The following DOK6 variants were observed in gnomAD, a reference collection of about 807,000 sequenced individuals.
DOK6 encodes downstream of tyrosine kinase 6.
DOK6 carries 22 observed loss-of-function variants against 44.0 expected under a neutral mutation model. The ratio of observed to expected loss-of-function variants is 0.50; its 90% CI spans 0.36 to 0.71. DOK6 has a LOEUF of 0.71. Ranked by LOEUF, DOK6 falls within the 30% of genes least tolerant of loss-of-function variation. The pLI is 0.00. For synonymous variants in DOK6, 166 were observed against 145.5 expected (o/e 1.14, Z -1.01); for missense variants, 340 against 416.4 (o/e 0.82, Z 1.60).
chr18:69,724,319 T>C (rs558599451), intron 5 of DOK6, among the ~76,000 whole-genome samples: 1 of 152,334 alleles, frequency 6.6e-6, no homozygotes, highest in African/African-American at 2.4e-5. Context: ...TAGATATTAC[T>C]TTAGATATTG....
chr18:69,425,999 T>C (rs1978624969), intron 1 of DOK6, among the ~76,000 whole-genome samples: 1 of 152,196 alleles, frequency 6.6e-6, no homozygotes, highest in South Asian at 2.1e-4. Context: ...GTTTTACTTT[T>C]AATTTTTACA....
intron 1 of DOK6, among the ~76,000 whole-genome samples, chr18:69,407,754 A>G (rs1305849006): frequency 6.6e-6 from 1 of 152,242 alleles, no homozygotes; most frequent in Non-Finnish European, 1.5e-5. Context: ...TGCAATGATT[A>G]GTGATGGTTG....
intron 3 of DOK6, among the ~76,000 whole-genome samples, chr18:69,606,892 C>T (rs535483723): frequency 6.6e-6 from 1 of 151,408 alleles, no homozygotes; most frequent in South Asian, 2.1e-4. Context: ...CCTACCTCAA[C>T]AAGGAAATTT....
chr18:69,564,368 G>T, intron 1 of DOK6, 119 bp from the exon 2 acceptor site: 1 of 706,136 alleles, frequency 1.4e-6, no homozygotes. Flanking sequence ...GAACATGTTT[G>T]TCAATCAAAA....
At chr18:69,518,291 C>T (rs1981587980) in intron 1 of DOK6, among the ~76,000 whole-genome samples, 1 of 151,656 alleles carries the variant, frequency 6.6e-6, no homozygotes, top group Admixed American at 6.6e-5. Flanking sequence ...TTCCTTCTTC[C>T]TCCTCTTCCT....
At position 69,401,202 on chromosome 18, in the gene DOK6, C is replaced by G. The variant is rs576005785; in HGVS notation, c.-43C>G. ...GGCGGCGGACGGCGGCTCTCGACTC[C>G]GGAGAGCGGATCGCGGGGCGCAGGA... On this transcript the variant is annotated 5_prime_UTR_variant, in exon 1 of 8. Transcript: ENST00000382713. 710 of 1,529,460 alleles carry G rather than the reference C, an allele frequency of 4.6e-4. No homozygotes were observed. The highest frequency in any genetic ancestry group is 8.0e-4 in the Admixed American group (39 of 48,922). 94.7% of individuals were successfully genotyped at this position (1,529,460 alleles called of 1,614,324 possible).
intron 3 of DOK6, among the ~76,000 whole-genome samples, chr18:69,624,850 G>A (rs1984521209): frequency 4.6e-5 from 7 of 151,924 alleles, no homozygotes; most frequent in Admixed American, 4.6e-4. Flanking sequence ...TACGCTGCAG[G>A]AGTTACACCT....
chr18:69,502,771 TC>T (rs538597874), intron 1 of DOK6, among the ~76,000 whole-genome samples: 300 of 152,244 alleles, frequency 2.0e-3, no homozygotes, highest in African/African-American at 6.7e-3. Context: ...AACAGCACGC[TC>T]CTTTATAAAG....
intron 1 of DOK6, chr18:69,469,750 G>C: frequency 3.9e-6 from 1 of 255,522 alleles, no homozygotes; most frequent in Non-Finnish European, 8.1e-6. Context: ...CGAGAGGCCA[G>C]GACGCCATCG....
intron 5 of DOK6, among the ~76,000 whole-genome samples, chr18:69,715,342 T>C (rs116548567): frequency 3.3e-4 from 51 of 152,326 alleles, no homozygotes; most frequent in African/African-American, 1.2e-3. Context: ...ATTGGACCCA[T>C]TGATGTCTTC....
At chr18:69,515,394 A>G (rs933998213) in intron 1 of DOK6, among the ~76,000 whole-genome samples, 1 of 152,198 alleles carries the variant, frequency 6.6e-6, no homozygotes, top group Non-Finnish European at 1.5e-5. Context: ...GTGTTTTCCA[A>G]TATTCACTAG....
At chr18:69,729,331 A>T (rs1978334681) in intron 5 of DOK6, among the ~76,000 whole-genome samples, 1 of 152,050 alleles carries the variant, frequency 6.6e-6, no homozygotes, top group Non-Finnish European at 1.5e-5. Context: ...CAAGTTTTGT[A>T]TTGTTTCTGC....
At chr18:69,568,609 C>G (rs1253968564) in intron 2 of DOK6, among the ~76,000 whole-genome samples, 1 of 152,112 alleles carries the variant, frequency 6.6e-6, no homozygotes, top group African/African-American at 2.4e-5. Context: ...AGGGCATGAA[C>G]CAGTGCTGGG....
intron 1 of DOK6, among the ~76,000 whole-genome samples, chr18:69,433,836 T>C (rs547888610): frequency 3.3e-5 from 5 of 152,320 alleles, no homozygotes; most frequent in Admixed American, 3.3e-4. Context: ...GAAAGAACAA[T>C]GTGCATTTCA....
chr18:69,593,597 A>T (rs946542331), intron 2 of DOK6, among the ~76,000 whole-genome samples: 1 of 152,204 alleles, frequency 6.6e-6, no homozygotes, highest in African/African-American at 2.4e-5. Context: ...AAGAGCAAAC[A>T]CTGTGTTTGA....
At chr18:69,469,022 T>C (rs1300661460) in intron 1 of DOK6, among the ~76,000 whole-genome samples, 1 of 152,212 alleles carries the variant, frequency 6.6e-6, no homozygotes, top group African/African-American at 2.4e-5. Context: ...ATCCTCTCTA[T>C]CTGATAGGTC....
chr18:69,628,909 G>A (rs1295462121), intron 3 of DOK6, among the ~76,000 whole-genome samples: 1 of 152,198 alleles, frequency 6.6e-6, no homozygotes, highest in African/African-American at 2.4e-5. Flanking sequence ...GTGTAAGCTG[G>A]AGCTGGTGAT....
chr18:69,725,487 T>A (rs190714762), intron 5 of DOK6, among the ~76,000 whole-genome samples: 8 of 152,306 alleles, frequency 5.3e-5, no homozygotes, highest in Admixed American at 5.2e-4. Flanking sequence ...TTTTATTAAT[T>A]TTTAAATATG....
chr18:69,824,557 C>T (rs143772505), intron 7 of DOK6, among the ~76,000 whole-genome samples: 249 of 152,262 alleles, frequency 1.6e-3, no homozygotes, highest in African/African-American at 5.8e-3. Context: ...GATGAGGTCT[C>T]ACCATGTTGC....
Sources: allele counts gnomAD v4.1 joint callset (sites outside exome capture counted in the v4.1 genomes callset), GRCh38; gene constraint gnomAD v4.1.1; transcripts MANE v1.5; gene names NCBI Gene and HGNC (gene_info 2026-07-23, HGNC 2026-07-21).